AVEN: variants seen among roughly 807,000 people sequenced by gnomAD.
AVEN encodes the protein apoptosis and caspase activation inhibitor, also known as cell death regulator Aven.
In AVEN, 41 loss-of-function variants were observed where a neutral mutation model predicts 38.1. The ratio of observed to expected loss-of-function variants is 1.08; its 90% CI spans 0.84 to 1.40. AVEN has a LOEUF of 1.40. Ranked by LOEUF, AVEN falls within the 40% of genes most tolerant of loss-of-function variation. The pLI is 0.00. For synonymous variants in AVEN, 206 were observed against 171.8 expected, an observed-to-expected ratio of 1.20 and a Z score of -1.56; for missense variants, 605 against 438.8, an observed-to-expected ratio of 1.38 and a Z score of -3.38.
intron 1 of AVEN, among the ~76,000 whole-genome samples, chr15:34,029,592 T>C (rs2097935127): frequency 2.7e-5 from 4 of 150,426 alleles, no homozygotes; most frequent in African/African-American, 4.9e-5. Context: ...ATATTCATAG[T>C]ACTACTGACT....
In AVEN at chr15:33,866,468, G is replaced by A; in HGVS notation, c.*145C>T. ...TGTATTCTTTCAGATGTCAAACACA[G>A]AGGTAGGCATTTACTGCTGTGAGCA... On this transcript the variant is annotated 3_prime_UTR_variant, in exon 6 of 6. Coordinates refer to ENST00000306730, the MANE Select transcript of AVEN (RefSeq NM_020371.3). 3.3e-6 allele frequency: 2 copies of A among 612,870 alleles called. No individual in the cohort carries two copies. The highest frequency in any genetic ancestry group is 5.8e-6 in the Non-Finnish European group (2 of 343,838). The allele number at this position is 612,870 out of a possible 1,614,324, so 38.0% of individuals were successfully genotyped here. A position where few individuals can be genotyped will look rare whatever the true frequency, so the allele number is the denominator to read the frequency against.
chr15:34,043,516 C>G (rs151057807), upstream of AVEN, among the ~76,000 whole-genome samples: 1,081 of 152,280 alleles, frequency 7.1e-3, 16 homozygotes, highest in African/African-American at 0.025. Context: ...TTGAACAGCT[C>G]CATCTACTAC....
chr15:33,854,968 G>C, downstream of AVEN: 2 of 1,504,410 alleles, frequency 1.3e-6, no homozygotes, highest in Non-Finnish European at 1.8e-6. Flanking sequence ...AGGAAAAAAA[G>C]AACAGCAGGT....
chr15:34,020,293 C>T (rs926868736), intron 1 of AVEN, among the ~76,000 whole-genome samples: 8 of 148,586 alleles, frequency 5.4e-5, no homozygotes, highest in African/African-American at 2.0e-4. Flanking sequence ...CCTGGGTGAC[C>T]GAGCGAGACT....
rs55793582 is a variant in AVEN at position 33,871,774 on chromosome 15, C to CAAAAAAAAAAAAA, written c.517-757_517-745dup. ...AAGGTTTCAAACGAGCTAGTCTCCTCAAAAAAAAAAAAAAAAAGCCACTTT... is the reference window on the plus strand; with the variant it reads ...AAGGTTTCAAACGAGCTAGTCTCCTCAAAAAAAAAAAAAAAAAAAAAAAAAAAAAAGCCACTTT... On this transcript the variant is annotated intron_variant, in intron 3 of 5. Coordinates refer to ENST00000306730, the MANE Select transcript of AVEN (RefSeq NM_020371.3). Among the ~76,000 whole-genome samples the CAAAAAAAAAAAAA allele has an allele frequency of 1.7e-3, 155 of 91,550 alleles. 4 individuals are homozygous for CAAAAAAAAAAAAA. Among genetic ancestry groups the CAAAAAAAAAAAAA allele is most frequent in the African/African-American group, 5.3e-3 (133 of 25,270 alleles). 60.1% of individuals were successfully genotyped at this position (91,550 alleles called of 152,430 possible).
the AVEN span, chr15:33,853,674 GGTGTCATGGTACAAAAAGCTTA>G: frequency 6.2e-7 from 1 of 1,613,292 alleles, no homozygotes; most frequent in Non-Finnish European, 8.5e-7. Flanking sequence ...CGGCTTCTCT[GGTGTCATGGTACAAAAAGCTTA>G]GGAGTTCAAA....
intron 2 of AVEN, among the ~76,000 whole-genome samples, chr15:33,877,881 G>A (rs767303490): frequency 1.3e-4 from 20 of 152,062 alleles, no homozygotes; most frequent in Non-Finnish European, 2.4e-4. Flanking sequence ...CCCGGGAGGC[G>A]GAGGTTGCAG....
intron 2 of AVEN, among the ~76,000 whole-genome samples, chr15:33,942,632 T>C (rs1350917525): frequency 1.3e-5 from 2 of 152,108 alleles, no homozygotes; most frequent in East Asian, 3.9e-4. Context: ...TTTGTATTTT[T>C]AGTAGAGACG....
At chr15:33,859,498 C>G in intron 11 of AVEN, 1 of 1,534,442 alleles carries the variant, frequency 6.5e-7, no homozygotes, top group Non-Finnish European at 9.0e-7. Context: ...CTGACCGAAT[C>G]ATATGAATGA....
At chr15:33,946,426 A>C (rs1894510733) in intron 2 of AVEN, among the ~76,000 whole-genome samples, 1 of 152,174 alleles carries the variant, frequency 6.6e-6, no homozygotes, top group African/African-American at 2.4e-5. Context: ...GAAAATCTCT[A>C]GAGAAATGCA....
At chr15:33,950,918 G>T (rs1328809939) in intron 2 of AVEN, among the ~76,000 whole-genome samples, 1 of 152,140 alleles carries the variant, frequency 6.6e-6, no homozygotes, top group African/African-American at 2.4e-5. Flanking sequence ...GAGGCAGGAG[G>T]ATCACTTGAG....
intron 5 of AVEN, among the ~76,000 whole-genome samples, chr15:34,055,430 G>A (rs1053826283): frequency 3.3e-5 from 5 of 152,124 alleles, no homozygotes; most frequent in East Asian, 1.9e-4. Flanking sequence ...TCCTGGATCC[G>A]GGAGGAAGAG....
intron 5 of AVEN, chr15:34,062,779 C>T (rs958054721): frequency 1.2e-6 from 2 of 1,614,028 alleles, no homozygotes; most frequent in Non-Finnish European, 1.7e-6. Context: ...AATCACCAGC[C>T]TTTGGAACGC....
intron 2 of AVEN, among the ~76,000 whole-genome samples, chr15:33,932,201 CT>C (rs528338982): frequency 8.7e-4 from 133 of 152,278 alleles, no homozygotes; most frequent in Non-Finnish European, 1.6e-3. Context: ...AACCTTTGGT[CT>C]TTTTTTGTAA....
intron 4 of AVEN, 91 bp downstream of exon 4, chr15:33,870,844 G>A (rs1182685837): frequency 3.5e-6 from 3 of 849,174 alleles, no homozygotes; most frequent in Admixed American, 2.6e-5. Context: ...AAGGGAAGCT[G>A]ACACTGAGAC....
chr15:34,056,648 AGCCTCG>A (rs1436307971), intron 5 of AVEN, among the ~76,000 whole-genome samples: 4 of 152,330 alleles, frequency 2.6e-5, no homozygotes, highest in East Asian at 3.9e-4. Flanking sequence ...AGACTGTGTT[AGCCTCG>A]GCTCTCCTCA....
intron 2 of AVEN, among the ~76,000 whole-genome samples, chr15:34,001,019 A>ATTTT (rs562045179): frequency 4.1e-4 from 56 of 136,760 alleles, no homozygotes; most frequent in African/African-American, 1.5e-3. Flanking sequence ...TTGGACTAGA[A>ATTTT]TTTTTTTTTT....
At chr15:34,008,856 T>C (rs547764697) in intron 1 of AVEN, among the ~76,000 whole-genome samples, 2 of 151,908 alleles carry the variant, frequency 1.3e-5, no homozygotes, top group South Asian at 2.1e-4. Context: ...GATTCATAGA[T>C]ACATAATAAA....
At chr15:34,014,132 A>G (rs538549403) in intron 1 of AVEN, among the ~76,000 whole-genome samples, 127 of 152,234 alleles carry the variant, frequency 8.3e-4, no homozygotes, top group African/African-American at 2.8e-3. Flanking sequence ...GGAGGCCAAC[A>G]TGGGCGGATC....
Sources: gnomAD v4.1 joint callset for allele counts (sites outside exome capture counted in the v4.1 genomes callset) on GRCh38, gnomAD v4.1.1 for gene constraint, MANE v1.5 for transcripts, NCBI Gene and HGNC (gene_info 2026-07-23, HGNC 2026-07-21) for gene names.